The following EIF4G2 variants were observed in gnomAD, a reference collection of about 807,000 sequenced individuals.
The protein encoded by EIF4G2 is DAP-5.
Under a neutral mutation model 117.7 loss-of-function variants are expected in EIF4G2, and 8 were observed. The ratio of observed to expected loss-of-function variants is 0.07; its 90% CI spans 0.04 to 0.12. The LOEUF is 0.12. EIF4G2 is among the 10% of genes least tolerant of loss of function. EIF4G2 has a pLI of 1.00. For missense variants in EIF4G2, 812 were observed against 1,086.2 expected (o/e 0.75, Z 3.55); for synonymous variants, 413 against 367.8 (o/e 1.12, Z -1.41).
chr11:10,797,680 A>T lies in EIF4G2; in HGVS notation c.*136T>A. On this transcript the variant is annotated 3_prime_UTR_variant, in exon 22 of 22. Coordinates refer to ENST00000339995, the MANE Select transcript of EIF4G2 (RefSeq NM_001418.4). This position sits in a 1 kb window ranked among gnomAD's most constrained non-coding sequence, Gnocchi z 4.5. Reference sequence around the variant, plus strand: ...TACAAAAAAACCTTATGCAGAAGGAAATCCTAACTGACGTGCTTCTGCTTT... The same window carrying T: ...TACAAAAAAACCTTATGCAGAAGGATATCCTAACTGACGTGCTTCTGCTTT... The T allele has an allele frequency of 2.2e-6, 2 of 907,380 alleles. No individual in the cohort carries two copies. The highest frequency in any genetic ancestry group is 3.1e-5 in the South Asian group (2 of 63,714). 56.2% of individuals were successfully genotyped at this position (907,380 alleles called of 1,614,324 possible). A position where few individuals can be genotyped will look rare whatever the true frequency, so the allele number is the denominator to read the frequency against.
In EIF4G2 at chr11:10,806,896, G is replaced by A. The variant is rs1564985629; in HGVS notation, c.42-11C>T. 3.7e-6 allele frequency: 6 copies of A among 1,613,162 alleles called. No homozygotes were observed. The highest frequency in any genetic ancestry group is 3.3e-5 in the South Asian group (3 of 91,060). On this transcript the variant is annotated splice_polypyrimidine_tract_variant and intron_variant, in intron 2 of 21. Coordinates refer to ENST00000339995, the MANE Select transcript of EIF4G2 (RefSeq NM_001418.4). ...CCGCCCGAAGAAGCACTATTTAAAA[G>A]AAAAAAATTGTTTACTGTATCCCAA...
In EIF4G2 at chr11:10,806,480, G is replaced by A. The variant is rs1847573414; in HGVS notation, c.107+340C>T. ...ACAGGTGTGAGCCACTGTACCGGCT[G>A]CCAATAAACACTTTCTAATGTTTTA... On this transcript the variant is annotated intron_variant, in intron 3 of 21. Transcript: ENST00000339995. The A allele has an allele frequency of 9.2e-6, 3 of 327,580 alleles. No homozygotes were observed. In the Admixed American group the frequency reaches 1.3e-4, roughly 15 times the overall value. The allele number at this position is 327,580 out of a possible 1,614,324, so 20.3% of individuals were successfully genotyped here. A position where few individuals can be genotyped will look rare whatever the true frequency, so the allele number is the denominator to read the frequency against.
At position 10,804,436 on chromosome 11, in the gene EIF4G2, G is replaced by A; in HGVS notation, c.352-18C>T. On this transcript the variant is annotated intron_variant, in intron 5 of 21. Transcript: ENST00000339995. ...TCCACAATCTACAGAAAATGTCATT[G>A]CTTAAACTAAATATGAAAACTTCTC... 1 of 1,556,814 alleles carries A rather than the reference G, an allele frequency of 6.4e-7. No individual in the cohort carries two copies. Among genetic ancestry groups the A allele is most frequent in the Non-Finnish European group, 8.7e-7 (1 of 1,153,376 alleles).
At chr11:10,808,335 G>C in intron 1 of EIF4G2, 1 of 1,196,090 alleles carries the variant, frequency 8.4e-7, no homozygotes, top group Non-Finnish European at 1.1e-6. Context: ...CGCGCCAACG[G>C]CCTGGCCTTC....
At chr11:10,801,938 A>AT in intron 13 of EIF4G2, 111 bp downstream of exon 13, 1 of 522,930 alleles carries the variant, frequency 1.9e-6, no homozygotes, top group Admixed American at 7.4e-5. Context: ...CCTATCAAAT[A>AT]AAGTGATGTG....
chr11:10,798,924 G>A, intron 21 of EIF4G2, 68 bp downstream of exon 21: 1 of 1,543,094 alleles, frequency 6.5e-7, no homozygotes, highest in Non-Finnish European at 8.7e-7. Flanking sequence ...GTTGAAAAAG[G>A]CTCTTAACTT....
Position 10,798,935 on chromosome 11 carries a change from G to T in EIF4G2, c.2658+57C>A. The T allele has an allele frequency of 3.2e-6, 5 of 1,558,310 alleles. No homozygotes were observed. In the South Asian group the frequency reaches 3.6e-5, roughly 11 times the overall value. ...TTCAGTTGAAAAAGGCTCTTAACTT[G>T]AAGTTAATACCAAGCAAACTGAAGT... On this transcript the variant is annotated intron_variant, in intron 21 of 21. Coordinates refer to ENST00000339995, the MANE Select transcript of EIF4G2 (RefSeq NM_001418.4).
In EIF4G2 at chr11:10,803,557, C is replaced by T; in HGVS notation, c.736G>A (p.Asp246Asn). 1 of 1,614,026 alleles carries T rather than the reference C, an allele frequency of 6.2e-7. No individual in the cohort carries two copies. Among genetic ancestry groups the T allele is most frequent in the Non-Finnish European group, 8.5e-7 (1 of 1,180,008 alleles). The change falls in exon 9 of 22, where the codon GAT (aspartate) becomes AAT (asparagine). Residue 246 changes from aspartate (D) to asparagine (N), a missense_variant. By Grantham distance (23) the Asp-to-Asn change is conservative (BLOSUM62 1). Coordinates refer to ENST00000339995, the MANE Select transcript of EIF4G2 (RefSeq NM_001418.4). This position sits in a 1 kb window ranked among gnomAD's most constrained non-coding sequence, Gnocchi z 4.0. The stretch of plus-strand genomic sequence containing the variant: ...AGGCACTCCAAATCCTCTCCCATAT[C>T]TTTGAGTTGGACTCTCTTCTTCTTT...
chr11:10,804,701 T>C (rs1210526562), intron 5 of EIF4G2: 3 of 602,688 alleles, frequency 5.0e-6, no homozygotes, highest in Non-Finnish European at 5.7e-6. Context: ...CATTTACCTC[T>C]TCAACCATAC....
At chr11:10,807,488 G>A (rs1466807845) in intron 1 of EIF4G2, 107 bp from the exon 2 acceptor site, 3 of 1,381,932 alleles carry the variant, frequency 2.2e-6, no homozygotes, top group African/African-American at 1.5e-5. Flanking sequence ...CTGCATTGCA[G>A]ATCTGTAAGA....
At chr11:10,801,339 A>G in intron 14 of EIF4G2, 5 of 627,116 alleles carry the variant, frequency 8.0e-6, no homozygotes, top group Non-Finnish European at 1.4e-5. Flanking sequence ...ATATTCAAAT[A>G]AAAAACTGCA....
rs561853086 is a variant in EIF4G2 at position 10,803,373 on chromosome 11, T to C, written c.814-79A>G. On this transcript the variant is annotated intron_variant, in intron 9 of 21. Coordinates refer to ENST00000339995, the MANE Select transcript of EIF4G2 (RefSeq NM_001418.4). The surrounding 1 kb of genome is among the most constrained non-coding windows in gnomAD (Gnocchi z 4.0). ...TACAGCTTTAAGACTTCTAAAATTA[T>C]AACCCAGTTAATGGCTAAATATGGC... 3.2e-6 allele frequency: 5 copies of C among 1,569,698 alleles called. No individual in the cohort carries two copies. The highest frequency in any genetic ancestry group is 1.4e-5 in the African/African-American group (1 of 73,734).
chr11:10,805,292 C>T (rs1847533156), intron 4 of EIF4G2, among the ~76,000 whole-genome samples: 2 of 152,290 alleles, frequency 1.3e-5, no homozygotes, highest in South Asian at 4.1e-4. Flanking sequence ...CAAGGCTAGA[C>T]CATGAACTAA....
chr11:10,799,755 T>C lies in EIF4G2; in HGVS notation c.2121A>G (p.Glu707=). 1 of 1,611,304 alleles carries C rather than the reference T, an allele frequency of 6.2e-7. No individual in the cohort carries two copies. Among genetic ancestry groups the C allele is most frequent in the Non-Finnish European group, 8.5e-7 (1 of 1,179,366 alleles). ...ACATGCGGTCCTTATTCTGATCAAT[T>C]TCTGAAGAGACAAAGCCACCTGCAT... Residue 707 remains glutamate (E), a splice_region_variant and synonymous_variant, in exon 19 of 22, where the codon GAA becomes GAG. Transcript: ENST00000339995.
Position 10,799,683 on chromosome 11 carries a change from G to A in EIF4G2, c.2193C>T (p.Leu731=). 6.2e-7 allele frequency: 1 copy of A among 1,614,100 alleles called. No homozygotes were observed. The highest frequency in any genetic ancestry group is 8.5e-7 in the Non-Finnish European group (1 of 1,180,012). Reference sequence around the variant, plus strand: ...GCTTCAACAGTTCCTTCTCCAATTTGAGGAGTGGGAATAAGAAACTCAGTC... The same window carrying A: ...GCTTCAACAGTTCCTTCTCCAATTTAAGGAGTGGGAATAAGAAACTCAGTC... Residue 731 remains leucine, a synonymous_variant, in exon 19 of 22, where the codon CTC becomes CTT. Transcript: ENST00000339995.
chr11:10,801,217 G>A (rs1054810870), intron 14 of EIF4G2, 130 bp from the exon 15 acceptor site: 3 of 1,334,174 alleles, frequency 2.2e-6, no homozygotes, highest in South Asian at 1.5e-5. Flanking sequence ...AACTAAAGAA[G>A]GTACTCCACA....
At chr11:10,807,994 A>G (rs1361505408) in intron 1 of EIF4G2, 3 of 1,040,890 alleles carry the variant, frequency 2.9e-6, no homozygotes, top group African/African-American at 1.7e-5. Context: ...AAGTTAGGGA[A>G]GTGCTTCCGA....
rs1331906372 is a variant in EIF4G2 at position 10,800,605 on chromosome 11, C to T, written c.1687G>A (p.Glu563Lys). The T allele has an allele frequency of 1.9e-6, 3 of 1,614,078 alleles. No homozygotes were observed. The Admixed American group carries it at 5.0e-5, about 27-fold the overall frequency. ...ATTTCTCTTACACCATTGACAGCCT[C>T]ATTTGCATTTCCACTATTTAGATAT... Residue 563 changes from glutamate (E) to lysine (K), a missense_variant, in exon 17 of 22, where the codon GAG becomes AAG. Physicochemically the swap from Glu to Lys is moderately conservative, Grantham distance 56. Around this residue, in one of 4 missense-constraint regions of EIF4G2, gnomAD observed 571 missense variants for 642.3 expected, o/e 0.89. Transcript: ENST00000339995.
At chr11:10,806,119 T>C (rs986310042) in intron 3 of EIF4G2, 72 bp from the exon 4 acceptor site, 275 of 1,593,086 alleles carry the variant, frequency 1.7e-4, no homozygotes, top group Middle Eastern at 3.4e-4. Flanking sequence ...TTCTCTTACA[T>C]AGAAAAAAGT....
Sources: gnomAD v4.1 joint callset for allele counts (sites outside exome capture counted in the v4.1 genomes callset) on GRCh38, gnomAD v4.1.1 for gene constraint, gnomAD v4.1.1 regional missense constraint, Gnocchi (gnomAD v3.1) non-coding constraint, MANE v1.5 for transcripts, NCBI Gene and HGNC (gene_info 2026-07-23, HGNC 2026-07-21) for gene names.